Variants in DNAH11 observed in about 807,000 individuals in gnomAD.
DNAH11 encodes dynein axonemal heavy chain 11.
Under a neutral mutation model 526.0 loss-of-function variants are expected in DNAH11, and 442 were observed. The observed-to-expected ratio is 0.84, with a 90% CI of 0.78 to 0.91. DNAH11 has a LOEUF of 0.91. DNAH11 is among the 40% of genes least tolerant of loss of function. The pLI is 0.00. For synonymous variants in DNAH11, 2,461 were observed against 1,935.9 expected, an observed-to-expected ratio of 1.27 and a Z score of -7.12; for missense variants, 6,989 against 5,448.7, an observed-to-expected ratio of 1.28 and a Z score of -8.90.
intron 62 of DNAH11, among the ~76,000 whole-genome samples, chr7:21,801,855 G>A (rs1789009312): frequency 6.6e-6 from 1 of 152,310 alleles, no homozygotes; most frequent in South Asian, 2.1e-4. Context: ...TGACTGACAT[G>A]CTAATGTTAA....
At chr7:21,868,826 A>G in intron 72 of DNAH11, 38 bp from the exon 73 acceptor site, 1 of 1,613,120 alleles carries the variant, frequency 6.2e-7, no homozygotes, top group Non-Finnish European at 8.5e-7. Flanking sequence ...ACCCTCCTTC[A>G]TAGACATTTC....
chr7:21,715,374 A>G (rs1005432376), intron 42 of DNAH11, among the ~76,000 whole-genome samples: 1 of 152,198 alleles, frequency 6.6e-6, no homozygotes, highest in Non-Finnish European at 1.5e-5. Flanking sequence ...TGCTGATAGG[A>G]GGACTCATTT....
chr7:21,730,854 G>C (rs1785348682), intron 45 of DNAH11, among the ~76,000 whole-genome samples: 1 of 152,048 alleles, frequency 6.6e-6, no homozygotes, highest in Admixed American at 6.5e-5. Context: ...TAAAAAATAA[G>C]CACATGGGGC....
intron 28 of DNAH11, among the ~76,000 whole-genome samples, chr7:21,654,472 T>C (rs991279304): frequency 6.6e-5 from 10 of 152,236 alleles, no homozygotes; most frequent in African/African-American, 2.4e-4. Flanking sequence ...CACATTTTGT[T>C]TATCCATTCA....
chr7:21,732,024 C>T (rs1265134641), intron 45 of DNAH11, among the ~76,000 whole-genome samples: 1 of 152,088 alleles, frequency 6.6e-6, no homozygotes, highest in Non-Finnish European at 1.5e-5. Context: ...GGGTTCTGTA[C>T]CGTCTGTGGT....
intron 35 of DNAH11, 89 bp from the exon 36 acceptor site, chr7:21,697,986 A>T: frequency 7.5e-7 from 1 of 1,337,684 alleles, no homozygotes. Flanking sequence ...AATGGTTAAA[A>T]TGTTGGTACG....
chr7:21,723,211 T>C (rs2128484674), intron 44 of DNAH11, among the ~76,000 whole-genome samples: 1 of 152,352 alleles, frequency 6.6e-6, no homozygotes, highest in East Asian at 1.9e-4. Context: ...GGAATGTGCT[T>C]AGAGCTTTTC....
chr7:21,835,078 C>G (rs1781941600), intron 65 of DNAH11, among the ~76,000 whole-genome samples: 1 of 152,016 alleles, frequency 6.6e-6, no homozygotes, highest in South Asian at 2.1e-4. Context: ...AAGAGAAAAT[C>G]TGAACAAACT....
chr7:21,771,116 C>T (rs1270372264), intron 55 of DNAH11, among the ~76,000 whole-genome samples: 3 of 152,128 alleles, frequency 2.0e-5, no homozygotes, highest in Non-Finnish European at 4.4e-5. Flanking sequence ...AGGTATATGG[C>T]ATTTAATGTG....
chr7:21,552,441 C>T (rs1313037116), intron 2 of DNAH11, among the ~76,000 whole-genome samples: 5 of 152,318 alleles, frequency 3.3e-5, no homozygotes, highest in Admixed American at 2.0e-4. Context: ...CTTCGCTTCC[C>T]TTTACTAATT....
intron 29 of DNAH11, among the ~76,000 whole-genome samples, chr7:21,656,977 C>T (rs997981942): frequency 6.6e-6 from 1 of 152,190 alleles, no homozygotes; most frequent in Non-Finnish European, 1.5e-5. Flanking sequence ...CAGCAAACTG[C>T]TCACCGACTG....
At chr7:21,549,848 C>G (rs1290413646) in intron 2 of DNAH11, among the ~76,000 whole-genome samples, 1 of 152,202 alleles carries the variant, frequency 6.6e-6, no homozygotes, top group Non-Finnish European at 1.5e-5. Flanking sequence ...TATGTATCCA[C>G]TTGAGAGAGC....
intron 55 of DNAH11, 21 bp downstream of exon 55, chr7:21,765,610 T>TCTCACACACACA (rs1554278823): frequency 1.2e-5 from 11 of 956,382 alleles, no homozygotes; most frequent in East Asian, 8.3e-5. Flanking sequence ...TCAGCCTGCG[T>TCTCACACACACA]CACACACACA....
At chr7:21,710,817 G>A (rs978811271) in intron 41 of DNAH11, 114 bp downstream of exon 41, 22 of 1,041,604 alleles carry the variant, frequency 2.1e-5, no homozygotes, top group Non-Finnish European at 2.9e-5. Flanking sequence ...GATTCTTTAT[G>A]TAATTATTAT....
intron 9 of DNAH11, among the ~76,000 whole-genome samples, chr7:21,583,284 C>T (rs935109407): frequency 1.3e-5 from 2 of 152,114 alleles, no homozygotes; most frequent in African/African-American, 4.8e-5. Flanking sequence ...TAATGACACA[C>T]ACATCTACAA....
At chr7:21,632,637 A>C (rs1244432281) in intron 25 of DNAH11, among the ~76,000 whole-genome samples, 4 of 152,194 alleles carry the variant, frequency 2.6e-5, no homozygotes, top group Non-Finnish European at 1.5e-5. Flanking sequence ...CCTTTGTTCC[A>C]GTTCCCAACA....
intron 42 of DNAH11, among the ~76,000 whole-genome samples, chr7:21,714,945 C>T (rs1420400225): frequency 3.3e-5 from 5 of 152,308 alleles, no homozygotes; most frequent in East Asian, 1.9e-4. Context: ...ATTACTTGAG[C>T]TTAAAATATT....
Position 21,591,028 on chromosome 7 carries a change from T to C in DNAH11, c.2274+6T>C. On this transcript the variant is annotated splice_donor_region_variant and intron_variant, in intron 13 of 81. Coordinates refer to ENST00000409508, the MANE Select transcript of DNAH11 (RefSeq NM_001277115.2). ...AAAGGAACACTATTTTAAAGGTTTG[T>C]GATTTTTGTTAAAAAAAAGATACTA... The C allele has an allele frequency of 1.3e-6, 2 of 1,482,084 alleles. No homozygotes were observed. The highest frequency in any genetic ancestry group is 1.8e-6 in the Non-Finnish European group (2 of 1,122,898). 91.8% of individuals were successfully genotyped at this position (1,482,084 alleles called of 1,614,324 possible).
intron 66 of DNAH11, chr7:21,851,591 T>C: frequency 2.1e-6 from 1 of 471,640 alleles, no homozygotes; most frequent in South Asian, 1.5e-5. Context: ...CCAGAGCTGG[T>C]GTAGATTTTA....
Sources: allele counts gnomAD v4.1 joint callset (sites outside exome capture counted in the v4.1 genomes callset), GRCh38; gene constraint gnomAD v4.1.1; transcripts MANE v1.5; gene names NCBI Gene and HGNC (gene_info 2026-07-23, HGNC 2026-07-21).